PSPH: variants seen among roughly 807,000 people sequenced by gnomAD.
The protein encoded by PSPH is L-3-phosphoserine phosphatase.
Under a neutral mutation model 23.4 loss-of-function variants are expected in PSPH, and 16 were observed. The ratio of observed to expected loss-of-function variants is 0.68; its 90% CI spans 0.46 to 1.04. The LOEUF is 1.04. Among genes scored for constraint, PSPH ranks in the 50% least tolerant of loss-of-function variants. The pLI is 0.00. For missense variants in PSPH, 223 were observed against 273.7 expected (o/e 0.81, Z 1.31); for synonymous variants, 68 against 99.7 (o/e 0.68, Z 1.89).
chr7:56,035,706 G>A (rs1307481852), intron 1 of PSPH, among the ~76,000 whole-genome samples: 2 of 151,434 alleles, frequency 1.3e-5, no homozygotes, highest in South Asian at 2.1e-4. Context: ...TGCAACCTCC[G>A]CCTCCTGGGT....
chr7:56,043,943 G>T (rs1383598136), intron 1 of PSPH, among the ~76,000 whole-genome samples: 2 of 152,010 alleles, frequency 1.3e-5, no homozygotes, highest in Admixed American at 6.6e-5. Context: ...GGAATTCTGG[G>T]GATATTTTTC....
chr7:56,016,745 AT>A lies in PSPH; in HGVS notation c.421+488del, dbSNP rs1006398561. ...GCCACCATGCCCAGCTAATTTTTGTATTTTTTTTTTTAGCAGAGTTGGGGTT... is the reference window on the plus strand; with the variant it reads ...GCCACCATGCCCAGCTAATTTTTGTATTTTTTTTTTAGCAGAGTTGGGGTT... On this transcript the variant is annotated intron_variant, in intron 6 of 7. Coordinates refer to ENST00000275605, the MANE Select transcript of PSPH (RefSeq NM_004577.4). Among the ~76,000 whole-genome samples, 720 of 144,944 alleles carry A rather than the reference AT, an allele frequency of 5.0e-3. 8 individuals are homozygous for A. The highest frequency in any genetic ancestry group is 0.015 in the African/African-American group (599 of 39,778).
intron 4 of PSPH, 56 bp from the exon 5 acceptor site, chr7:56,019,790 A>G (rs1379011761): frequency 6.2e-7 from 1 of 1,604,872 alleles, no homozygotes; most frequent in Non-Finnish European, 8.5e-7. Context: ...CAAGGTTAAC[A>G]TGCCTTACTG....
chr7:56,048,970 A>T (rs1793613728), intron 1 of PSPH, among the ~76,000 whole-genome samples: 2 of 151,742 alleles, frequency 1.3e-5, no homozygotes, highest in African/African-American at 4.8e-5. Flanking sequence ...CCCAGGCTGG[A>T]GTGCAGTGGC....
At chr7:56,037,436 T>C (rs1271166089) in intron 1 of PSPH, among the ~76,000 whole-genome samples, 5 of 152,020 alleles carry the variant, frequency 3.3e-5, no homozygotes, top group African/African-American at 1.2e-4. Flanking sequence ...TTTTTTTTCT[T>C]TTGAGGCAGG....
intron 3 of PSPH, among the ~76,000 whole-genome samples, chr7:56,029,234 T>C (rs1271128516): frequency 6.6e-6 from 1 of 152,060 alleles, no homozygotes; most frequent in Non-Finnish European, 1.5e-5. Context: ...TCAAAGTAAA[T>C]TGTGTACATT....
At chr7:56,050,109 T>C (rs1183300856) in intron 1 of PSPH, among the ~76,000 whole-genome samples, 1 of 152,192 alleles carries the variant, frequency 6.6e-6, no homozygotes, top group African/African-American at 2.4e-5. Flanking sequence ...AACTAATAAC[T>C]AGTCTTCTAT....
chr7:56,042,155 G>A (rs574622419), intron 1 of PSPH, among the ~76,000 whole-genome samples: 5 of 150,046 alleles, frequency 3.3e-5, no homozygotes, highest in East Asian at 2.0e-4. Context: ...TCCGGGAGGC[G>A]GAGGTTTACA....
At chr7:56,040,697 C>T (rs1401198216) in intron 1 of PSPH, among the ~76,000 whole-genome samples, 2 of 151,758 alleles carry the variant, frequency 1.3e-5, no homozygotes, top group South Asian at 2.1e-4. Context: ...CCATATTCAA[C>T]GAAACTAGAA....
At chr7:56,038,608 G>A (rs1407431181) in intron 1 of PSPH, among the ~76,000 whole-genome samples, 1 of 152,092 alleles carries the variant, frequency 6.6e-6, no homozygotes, top group East Asian at 1.9e-4. Context: ...GCCTAGGTGG[G>A]AGGATCGCTT....
intron 3 of PSPH, among the ~76,000 whole-genome samples, chr7:56,025,939 C>T (rs1195457717): frequency 6.6e-6 from 1 of 152,088 alleles, no homozygotes; most frequent in Non-Finnish European, 1.5e-5. Flanking sequence ...TCAAATGCTG[C>T]TCCTCTGCCT....
intron 3 of PSPH, among the ~76,000 whole-genome samples, chr7:56,030,598 G>A (rs913047688): frequency 1.3e-5 from 2 of 152,066 alleles, no homozygotes; most frequent in African/African-American, 2.4e-5. Context: ...ATACAAAGAC[G>A]GGAAAAACAC....
At chr7:56,026,295 G>T (rs113265498) in intron 3 of PSPH, among the ~76,000 whole-genome samples, 27,294 of 151,544 alleles carry the variant, frequency 0.18, 2,569 homozygotes, top group African/African-American at 0.22. Context: ...GGCCAACATG[G>T]TGAAACCCCA....
At position 56,017,383 on chromosome 7, in the gene PSPH, C is replaced by G; in HGVS notation, c.276-4G>C. ...CTGTAGGCGACTTACCAGCTCCCTGCAAAATAAAATACAAAATACCCAACA... is the reference window on the plus strand; with the variant it reads ...CTGTAGGCGACTTACCAGCTCCCTGGAAAATAAAATACAAAATACCCAACA... On this transcript the variant is annotated splice_polypyrimidine_tract_variant and splice_region_variant and intron_variant, in intron 5 of 7. Coordinates refer to ENST00000275605, the MANE Select transcript of PSPH (RefSeq NM_004577.4). 2 of 902,138 alleles carry G rather than the reference C, an allele frequency of 2.2e-6. No homozygotes were observed. Among genetic ancestry groups the G allele is most frequent in the Non-Finnish European group, 3.0e-6 (2 of 665,232 alleles). 55.9% of individuals were successfully genotyped at this position (902,138 alleles called of 1,614,324 possible). A position where few individuals can be genotyped will look rare whatever the true frequency, so the allele number is the denominator to read the frequency against.
chr7:56,038,736 C>G (rs1233819905), intron 1 of PSPH, among the ~76,000 whole-genome samples: 1 of 151,692 alleles, frequency 6.6e-6, no homozygotes, highest in Non-Finnish European at 1.5e-5. Flanking sequence ...ATCCCAGGTA[C>G]TTGGGAGGCT....
chr7:56,050,263 G>GGTTA (rs1404362783), intron 1 of PSPH, among the ~76,000 whole-genome samples: 1 of 151,930 alleles, frequency 6.6e-6, no homozygotes, highest in Non-Finnish European at 1.5e-5. Context: ...GTAGGTGACC[G>GGTTA]GTTAGTTGTG....
chr7:56,048,378 T>TG (rs1331295337), intron 1 of PSPH, among the ~76,000 whole-genome samples: 1 of 150,262 alleles, frequency 6.7e-6, no homozygotes, highest in African/African-American at 2.4e-5. Flanking sequence ...TTCAAAAAAA[T>TG]GCCAAGATCA....
intron 1 of PSPH, among the ~76,000 whole-genome samples, chr7:56,049,146 G>A (rs187470248): frequency 6.6e-6 from 1 of 151,318 alleles, no homozygotes; most frequent in Non-Finnish European, 1.5e-5. Flanking sequence ...GGATAGTGTC[G>A]ATCTCCTGAC....
At chr7:56,040,445 G>A (rs1792378058) in intron 1 of PSPH, among the ~76,000 whole-genome samples, 1 of 152,024 alleles carries the variant, frequency 6.6e-6, no homozygotes, top group Non-Finnish European at 1.5e-5. Context: ...CCAGGCTGGA[G>A]TTCCGTGGTG....
Sources: allele counts gnomAD v4.1 joint callset (sites outside exome capture counted in the v4.1 genomes callset), GRCh38; gene constraint gnomAD v4.1.1; transcripts MANE v1.5; gene names NCBI Gene and HGNC (gene_info 2026-07-23, HGNC 2026-07-21).